PTPN4: variants seen among roughly 807,000 people sequenced by gnomAD.
PTPN4 encodes protein tyrosine phosphatase non-receptor type 4.
PTPN4 carries 49 observed loss-of-function variants against 135.5 expected under a neutral mutation model. The observed-to-expected ratio is 0.36, with a 90% CI of 0.29 to 0.46. PTPN4 has a LOEUF of 0.46. Ranked by LOEUF, PTPN4 falls within the 20% of genes least tolerant of loss-of-function variation. PTPN4 has a pLI of 1.00. For missense variants in PTPN4, 860 were observed against 1,101.0 expected (o/e 0.78, Z 3.10); for synonymous variants, 333 against 369.9 (o/e 0.90, Z 1.14).
At chr2:119,850,454 G>A (rs936339534) in intron 2 of PTPN4, among the ~76,000 whole-genome samples, 1 of 152,188 alleles carries the variant, frequency 6.6e-6, no homozygotes, top group East Asian at 1.9e-4. Flanking sequence ...TTGATTCTTT[G>A]ACATACCATT....
In PTPN4 at chr2:119,983,538, A is replaced by G. The variant is rs534988644; in HGVS notation, c.*6468A>G. ...GTTGGCAAGATTAGGTCAAATTTCA[A>G]TGCTAAATTTGATTTTTTGAATTTT... On this transcript the variant is annotated 3_prime_UTR_variant, in exon 27 of 27. Transcript: ENST00000263708. The G allele has an allele frequency of 2.4e-4, 37 of 152,282 alleles. No homozygotes were observed. The highest frequency in any genetic ancestry group is 2.3e-3 in the South Asian group (11 of 4,824). The allele number at this position is 152,282 out of a possible 1,614,324, so 9.4% of individuals were successfully genotyped here.
intron 26 of PTPN4, 29 bp downstream of exon 26, chr2:119,968,001 ATATTC>A: frequency 1.4e-6 from 2 of 1,466,456 alleles, no homozygotes; most frequent in South Asian, 2.8e-5. Context: ...ATACAAGTGT[ATATTC>A]TTAACATGAT....
chr2:119,777,175 T>C (rs1353430140), intron 1 of PTPN4, among the ~76,000 whole-genome samples: 2 of 152,210 alleles, frequency 1.3e-5, no homozygotes, highest in Non-Finnish European at 2.9e-5. Context: ...ACTGGCAGAC[T>C]TGTTCCTACT....
At position 119,915,246 on chromosome 2, in the gene PTPN4, A is replaced by C; in HGVS notation, c.828+4A>C. On this transcript the variant is annotated splice_donor_region_variant and intron_variant, in intron 11 of 26. Coordinates refer to ENST00000263708, the MANE Select transcript of PTPN4 (RefSeq NM_002830.4). ...TATTCAACTTAGAAAAGAATTGGTGAGTACGGATTTAATAATTATTGACAT... is the reference window on the plus strand; with the variant it reads ...TATTCAACTTAGAAAAGAATTGGTGCGTACGGATTTAATAATTATTGACAT... 1 of 1,515,454 alleles carries C rather than the reference A, an allele frequency of 6.6e-7. No homozygotes were observed. Among genetic ancestry groups the C allele is most frequent in the Non-Finnish European group, 8.8e-7 (1 of 1,131,988 alleles). 93.9% of individuals were successfully genotyped at this position (1,515,454 alleles called of 1,614,324 possible).
In PTPN4 at chr2:119,980,040, T is replaced by C. The variant is rs1188207080; in HGVS notation, c.*2970T>C. ...GTATTTGTTAAACCAATGCATCCAT[T>C]CAAAATAGAGGCAGAGTAAACAGCC... is the stretch of plus-strand genomic sequence containing the variant. On this transcript the variant is annotated 3_prime_UTR_variant, in exon 27 of 27. Transcript: ENST00000263708. 1.3e-5 allele frequency: 2 copies of C among 152,116 alleles called. No homozygotes were observed. Among genetic ancestry groups the C allele is most frequent in the Non-Finnish European group, 2.9e-5 (2 of 67,974 alleles). The allele number at this position is 152,116 out of a possible 1,614,324, so 9.4% of individuals were successfully genotyped here. A position where few individuals can be genotyped will look rare whatever the true frequency, so the allele number is the denominator to read the frequency against.
chr2:119,875,713 G>A (rs1366666623), intron 3 of PTPN4, among the ~76,000 whole-genome samples: 1 of 152,072 alleles, frequency 6.6e-6, no homozygotes, highest in African/African-American at 2.4e-5. Flanking sequence ...TGAGACAGGG[G>A]ATTACAGGTG....
chr2:119,841,599 C>G (rs142467535), intron 2 of PTPN4, among the ~76,000 whole-genome samples: 3 of 152,222 alleles, frequency 2.0e-5, no homozygotes, highest in African/African-American at 7.2e-5. Context: ...AGTATAGTTG[C>G]TAGCTCAAAA....
intron 10 of PTPN4, among the ~76,000 whole-genome samples, chr2:119,910,606 G>A (rs1678557229): frequency 6.6e-6 from 1 of 152,120 alleles, no homozygotes; most frequent in Non-Finnish European, 1.5e-5. Context: ...GTCAAGGGTG[G>A]GACCAGGTGG....
At chr2:119,804,256 G>A (rs923262830) in intron 1 of PTPN4, among the ~76,000 whole-genome samples, 1 of 152,022 alleles carries the variant, frequency 6.6e-6, no homozygotes, top group Non-Finnish European at 1.5e-5. Context: ...AGGACTACAG[G>A]TGCATGCCAC....
intron 19 of PTPN4, among the ~76,000 whole-genome samples, chr2:119,952,838 A>G (rs1319564841): frequency 6.6e-6 from 1 of 152,210 alleles, no homozygotes; most frequent in East Asian, 1.9e-4. Flanking sequence ...CAACCTCAAG[A>G]ACATTCTACC....
chr2:119,793,857 T>G (rs1691201241), intron 1 of PTPN4, among the ~76,000 whole-genome samples: 1 of 131,788 alleles, frequency 7.6e-6, no homozygotes, highest in Middle Eastern at 3.7e-3. Flanking sequence ...TTTTTTTTTT[T>G]TTTTTTTTTT....
At chr2:119,963,035 G>C (rs1311662020) in intron 24 of PTPN4, among the ~76,000 whole-genome samples, 1 of 152,084 alleles carries the variant, frequency 6.6e-6, no homozygotes, top group Non-Finnish European at 1.5e-5. Context: ...CAACTGTTTA[G>C]ATATGTTTCA....
At chr2:119,810,361 C>A (rs1031208856) in intron 2 of PTPN4, among the ~76,000 whole-genome samples, 3 of 152,194 alleles carry the variant, frequency 2.0e-5, no homozygotes, top group Middle Eastern at 3.4e-3. Flanking sequence ...TTTTGCCAAA[C>A]AAAAATAAAT....
chr2:119,969,368 A>G (rs1326862018), intron 26 of PTPN4, among the ~76,000 whole-genome samples: 1 of 152,070 alleles, frequency 6.6e-6, no homozygotes, highest in Non-Finnish European at 1.5e-5. Context: ...TATCATGTTT[A>G]TACTCAGATC....
At chr2:119,851,805 G>A (rs72969168) in intron 2 of PTPN4, among the ~76,000 whole-genome samples, 3,865 of 152,212 alleles carry the variant, frequency 0.025, 165 homozygotes, top group African/African-American at 0.087. Flanking sequence ...CCCTGCCTCC[G>A]GCTGCTGAAT....
chr2:119,879,602 C>A (rs1327140575), intron 5 of PTPN4, among the ~76,000 whole-genome samples: 1 of 152,096 alleles, frequency 6.6e-6, no homozygotes, highest in Non-Finnish European at 1.5e-5. Context: ...TAGATGGGAC[C>A]TGAGCATAGG....
chr2:119,928,546 A>G (rs1227169481), intron 13 of PTPN4, among the ~76,000 whole-genome samples: 2 of 152,166 alleles, frequency 1.3e-5, no homozygotes, highest in African/African-American at 4.8e-5. Context: ...GTTGGACCAA[A>G]CGGTGTCATG....
At chr2:119,892,127 G>C (rs1678249380) in intron 9 of PTPN4, among the ~76,000 whole-genome samples, 1 of 152,112 alleles carries the variant, frequency 6.6e-6, no homozygotes, top group Non-Finnish European at 1.5e-5. Context: ...AACAATTATG[G>C]GTATATCAGA....
chr2:119,807,419 C>T (rs1019134906), intron 1 of PTPN4, among the ~76,000 whole-genome samples: 6 of 152,178 alleles, frequency 3.9e-5, no homozygotes, highest in Non-Finnish European at 7.4e-5. Context: ...CACAGAAATA[C>T]AAACTACCAT....
Sources: gnomAD v4.1 joint callset for allele counts (sites outside exome capture counted in the v4.1 genomes callset) on GRCh38, gnomAD v4.1.1 for gene constraint, MANE v1.5 for transcripts, NCBI Gene and HGNC (gene_info 2026-07-23, HGNC 2026-07-21) for gene names.